PCDHGA6: variants seen among roughly 807,000 people sequenced by gnomAD.
PCDHGA6 encodes the protein protocadherin gamma subfamily A, 6, also known as protocadherin gamma-A6.
Under a neutral mutation model 60.6 loss-of-function variants are expected in PCDHGA6, and 41 were observed. The ratio of observed to expected loss-of-function variants is 0.68; its 90% CI spans 0.53 to 0.88. The LOEUF is 0.88. PCDHGA6 is among the 40% of genes least tolerant of loss of function. PCDHGA6 has a pLI of 0.00. For missense variants in PCDHGA6, 1,312 were observed against 1,203.0 expected (o/e 1.09, Z -1.34); for synonymous variants, 594 against 524.4 (o/e 1.13, Z -1.81).
At position 141,490,908 on chromosome 5, in the gene PCDHGA6, C is replaced by A; in HGVS notation, c.2425-3899C>A. On this transcript the variant is annotated intron_variant, in intron 1 of 3. Coordinates refer to ENST00000517434, the MANE Select transcript of PCDHGA6 (RefSeq NM_018919.3). The surrounding 1 kb of genome is among the most constrained non-coding windows in gnomAD (Gnocchi z 5.4). The stretch of plus-strand genomic sequence containing the variant: ...CATCTCTGCATGTGTTTGTCCTAGA[C>A]GAGAATGATAATGCCCCAGCTGTGC... The A allele has an allele frequency of 6.2e-7, 1 of 1,613,710 alleles. No homozygotes were observed. Among genetic ancestry groups the A allele is most frequent in the Non-Finnish European group, 8.5e-7 (1 of 1,179,754 alleles).
At chr5:141,458,615 G>A (rs2098949624) in intron 1 of PCDHGA6, among the ~76,000 whole-genome samples, 1 of 152,088 alleles carries the variant, frequency 6.6e-6, no homozygotes, top group Admixed American at 6.6e-5. Flanking sequence ...TGTCAGCCAG[G>A]CTGGAGTGCA....
chr5:141,408,398 C>A, intron 1 of PCDHGA6: 3 of 1,614,028 alleles, frequency 1.9e-6, no homozygotes, highest in Non-Finnish European at 2.5e-6. Context: ...GGCTCGCAAG[C>A]TGCGAGTGAG....
intron 1 of PCDHGA6, chr5:141,415,388 G>C (rs752789407): frequency 6.2e-7 from 1 of 1,614,236 alleles, no homozygotes; most frequent in East Asian, 2.2e-5. Flanking sequence ...GGCTTGACAG[G>C]TGTGTCCGGC....
At position 141,431,782 on chromosome 5, in the gene PCDHGA6, C is replaced by A. The variant is rs767269112; in HGVS notation, c.2424+55275C>A. The A allele has an allele frequency of 6.2e-7, 1 of 1,614,082 alleles. No homozygotes were observed. On this transcript the variant is annotated intron_variant, in intron 1 of 3. Transcript: ENST00000517434. This position sits in a 1 kb window ranked among gnomAD's most constrained non-coding sequence, Gnocchi z 4.8. Reference sequence around the variant, plus strand: ...TCCTGATCACTGTTCTGGACGTGAACGACAATGCCCCAGAAGTGGTCCTCA... The same window carrying A: ...TCCTGATCACTGTTCTGGACGTGAAAGACAATGCCCCAGAAGTGGTCCTCA...
rs2154591169 is a variant in PCDHGA6 at position 141,493,606 on chromosome 5, T to A, written c.2425-1201T>A. Among the ~76,000 whole-genome samples, 1 of 152,278 alleles carries A rather than the reference T, an allele frequency of 6.6e-6. No homozygotes were observed. Among genetic ancestry groups the A allele is most frequent in the Non-Finnish European group, 1.5e-5 (1 of 68,022 alleles). ...ACAATCACTGCATTTCCATGTAGAT[T>A]CTGCTGTGTCTAAGAATACAGTGGC... On this transcript the variant is annotated intron_variant, in intron 1 of 3. Transcript: ENST00000517434. This position sits in a 1 kb window ranked among gnomAD's most constrained non-coding sequence, Gnocchi z 4.3.
Position 141,395,354 on chromosome 5 carries a change from T to A in PCDHGA6, c.2424+18847T>A, listed in dbSNP as rs375237289. ...ATAATTTTTAAGGTGTATCACAGAG[T>A]TTTGGGTTTATTTTGGTGGTGTTAC... On this transcript the variant is annotated intron_variant, in intron 1 of 3. Coordinates refer to ENST00000517434, the MANE Select transcript of PCDHGA6 (RefSeq NM_018919.3). 28 of 1,357,052 alleles carry A rather than the reference T, an allele frequency of 2.1e-5. No homozygotes were observed. The Middle Eastern group carries it at 1.0e-3, about 51-fold the overall frequency. 84.1% of individuals were successfully genotyped at this position (1,357,052 alleles called of 1,614,324 possible).
In PCDHGA6 at chr5:141,476,087, C is replaced by T. The variant is rs758610836; in HGVS notation, c.2425-18720C>T. The stretch of plus-strand genomic sequence containing the variant: ...AGCGAAATCTCAGGGACGATCTGGA[C>T]CCCGCTGAGAGGAACTGCTTTTGAG... On this transcript the variant is annotated intron_variant, in intron 1 of 3. Coordinates refer to ENST00000517434, the MANE Select transcript of PCDHGA6 (RefSeq NM_018919.3). This position sits in a 1 kb window ranked among gnomAD's most constrained non-coding sequence, Gnocchi z 7.6. 9 of 1,553,656 alleles carry T rather than the reference C, an allele frequency of 5.8e-6. No individual in the cohort carries two copies. The South Asian group carries it at 1.1e-4, about 19-fold the overall frequency.
intron 1 of PCDHGA6, chr5:141,388,657 G>T (rs769160604): frequency 6.8e-6 from 11 of 1,613,878 alleles, no homozygotes; most frequent in Admixed American, 1.7e-5. Context: ...GTGTACCCGG[G>T]GACCACGGTG....
chr5:141,390,214 T>G, intron 1 of PCDHGA6: 1 of 1,614,064 alleles, frequency 6.2e-7, no homozygotes, highest in Non-Finnish European at 8.5e-7. Flanking sequence ...GGACAAGACA[T>G]ACTTTGCGGT....
chr5:141,420,005 C>T, intron 1 of PCDHGA6: 2 of 1,614,056 alleles, frequency 1.2e-6, no homozygotes, highest in Non-Finnish European at 1.7e-6. Context: ...TCTACGCCTG[C>T]GACAGTCTTT....
In PCDHGA6 at chr5:141,375,624, T is replaced by G; in HGVS notation, c.1541T>G (p.Leu514Arg). Residue 514 changes from leucine to arginine, a missense_variant, in exon 1 of 4, where the codon CTG (leucine) becomes CGG (arginine). Physicochemically the swap from Leu to Arg is moderately radical, Grantham distance 102. Coordinates refer to ENST00000517434, the MANE Select transcript of PCDHGA6 (RefSeq NM_018919.3). ...YVSINSDTGI[L>R]YALRSFDYEQ... ...TCCATCAACTCCGACACTGGGATTC[T>G]GTACGCCCTGCGCTCCTTCGACTAT... 5 of 1,614,224 alleles carry G rather than the reference T, an allele frequency of 3.1e-6. No homozygotes were observed. The highest frequency in any genetic ancestry group is 3.4e-6 in the Non-Finnish European group (4 of 1,180,034).
In PCDHGA6 at chr5:141,490,490, C is replaced by A. The variant is rs886264588; in HGVS notation, c.2425-4317C>A. The A allele has an allele frequency of 1.2e-6, 2 of 1,614,184 alleles. No individual in the cohort carries two copies. Among genetic ancestry groups the A allele is most frequent in the Non-Finnish European group, 1.7e-6 (2 of 1,180,028 alleles). ...AGCCAGCCTTTGGACCGGGAGGCCA[C>A]ATCCCACTATATCATCGAGCTGCTG... On this transcript the variant is annotated intron_variant, in intron 1 of 3. Transcript: ENST00000517434. The surrounding 1 kb of genome is among the most constrained non-coding windows in gnomAD (Gnocchi z 5.4).
intron 1 of PCDHGA6, chr5:141,388,512 T>G (rs1342946669): frequency 1.2e-6 from 2 of 1,613,846 alleles, no homozygotes; most frequent in Non-Finnish European, 1.7e-6. Flanking sequence ...ATCCTACCAC[T>G]TGACTTTGAC....
In PCDHGA6 at chr5:141,477,625, C is replaced by T; in HGVS notation, c.2425-17182C>T. ...TTCTCTTGGAGCAAGGAGCTGAAACCGGGCTAGTGGGTCGCTATTTCACAA... is the reference window on the plus strand; with the variant it reads ...TTCTCTTGGAGCAAGGAGCTGAAACTGGGCTAGTGGGTCGCTATTTCACAA... On this transcript the variant is annotated intron_variant, in intron 1 of 3. Coordinates refer to ENST00000517434, the MANE Select transcript of PCDHGA6 (RefSeq NM_018919.3). This position sits in a 1 kb window ranked among gnomAD's most constrained non-coding sequence, Gnocchi z 4.9. The T allele has an allele frequency of 1.2e-6, 2 of 1,614,200 alleles. No homozygotes were observed. Among genetic ancestry groups the T allele is most frequent in the Non-Finnish European group, 1.7e-6 (2 of 1,180,046 alleles).
At chr5:141,383,625 C>T (rs754758092) in intron 1 of PCDHGA6, 32 of 1,613,930 alleles carry the variant, frequency 2.0e-5, no homozygotes, top group Non-Finnish European at 2.7e-5. Context: ...CGCCTGTCTT[C>T]TCTCTGCCTC....
chr5:141,488,428 C>A (rs1234461104), intron 1 of PCDHGA6, among the ~76,000 whole-genome samples: 1 of 152,186 alleles, frequency 6.6e-6, no homozygotes, highest in Non-Finnish European at 1.5e-5. Context: ...CATGCTTGGC[C>A]TCTGACCACC....
At chr5:141,383,483 T>A (rs1779176353) in intron 1 of PCDHGA6, 1 of 1,613,378 alleles carries the variant, frequency 6.2e-7, no homozygotes, top group Non-Finnish European at 8.5e-7. Flanking sequence ...CCGGAACTGG[T>A]GCTGGAGCGG....
intron 1 of PCDHGA6, chr5:141,387,775 A>C (rs2091090328): frequency 6.9e-7 from 1 of 1,450,000 alleles, no homozygotes; most frequent in South Asian, 1.4e-5. Context: ...TTTTTTCTTG[A>C]ACTGGAACTG....
chr5:141,481,288 A>AGTC (rs2099535099), intron 1 of PCDHGA6, among the ~76,000 whole-genome samples: 1 of 152,188 alleles, frequency 6.6e-6, no homozygotes, highest in Admixed American at 6.5e-5. Flanking sequence ...ATGGTATTTC[A>AGTC]GTCATCTAAG....
Sources: gnomAD v4.1 joint callset for allele counts (sites outside exome capture counted in the v4.1 genomes callset) on GRCh38, gnomAD v4.1.1 for gene constraint, Gnocchi (gnomAD v3.1) non-coding constraint, MANE v1.5 for transcripts, NCBI Gene and HGNC (gene_info 2026-07-23, HGNC 2026-07-21) for gene names.